KDM4C: variants seen among roughly 807,000 people sequenced by gnomAD.
KDM4C encodes the protein lysine-specific demethylase 4C.
Under a neutral mutation model 129.3 loss-of-function variants are expected in KDM4C, and 81 were observed. That is an observed-to-expected ratio of 0.63 (90% CI 0.52 to 0.75). The LOEUF (loss-of-function observed/expected upper bound fraction) is 0.75, where lower values mean the gene tolerates loss of function less well. KDM4C is among the 30% of genes least tolerant of loss of function. The pLI is 0.00. For missense variants in KDM4C, 1,457 were observed against 1,304.0 expected (o/e 1.12, Z -1.81); for synonymous variants, 573 against 456.1 (o/e 1.26, Z -3.26).
chr9:6,751,912 A>T (rs1818073987), intron 1 of KDM4C, among the ~76,000 whole-genome samples: 1 of 152,188 alleles, frequency 6.6e-6, no homozygotes, highest in Admixed American at 6.5e-5. Context: ...AAACTACAGA[A>T]TGTGAAAATA....
intron 1 of KDM4C, among the ~76,000 whole-genome samples, chr9:6,762,152 G>T (rs553502518): frequency 6.6e-6 from 1 of 152,034 alleles, no homozygotes; most frequent in East Asian, 1.9e-4. Context: ...GCAACGTGCA[G>T]GTTTGTTACA....
At chr9:6,783,885 A>G (rs952238261) in intron 1 of KDM4C, among the ~76,000 whole-genome samples, 4 of 152,146 alleles carry the variant, frequency 2.6e-5, no homozygotes, top group Admixed American at 6.6e-5. Flanking sequence ...GAACTGACAA[A>G]GAAACCCCGT....
chr9:7,026,063 G>C (rs1435232481), intron 15 of KDM4C, among the ~76,000 whole-genome samples: 1 of 152,074 alleles, frequency 6.6e-6, no homozygotes, highest in African/African-American at 2.4e-5. Flanking sequence ...AAAATTAGTT[G>C]GGTGTTGTGG....
chr9:6,942,063 AATTGGTAGAGCAGTT>A (rs1826047603), intron 8 of KDM4C, among the ~76,000 whole-genome samples: 1 of 152,182 alleles, frequency 6.6e-6, no homozygotes, highest in South Asian at 2.1e-4. Flanking sequence ...TTCCAATATA[AATTGGTAGAGCAGTT>A]ATTGGTAGAG....
At chr9:6,744,453 A>G (rs929551203) in intron 1 of KDM4C, among the ~76,000 whole-genome samples, 1 of 152,128 alleles carries the variant, frequency 6.6e-6, no homozygotes, top group Admixed American at 6.6e-5. Context: ...TGAACCTGGG[A>G]GGCGGAGGTT....
At chr9:6,907,013 G>C (rs145962369) in intron 8 of KDM4C, among the ~76,000 whole-genome samples, 52 of 152,216 alleles carry the variant, frequency 3.4e-4, no homozygotes, top group Admixed American at 1.5e-3. Flanking sequence ...TTTTAAACAA[G>C]GTCATTTATA....
chr9:6,746,859 AGCCGGGCGTGG>A (rs1817893399), intron 1 of KDM4C, among the ~76,000 whole-genome samples: 1 of 150,924 alleles, frequency 6.6e-6, no homozygotes, highest in Non-Finnish European at 1.5e-5. Flanking sequence ...ACAAAAAATT[AGCCGGGCGTGG>A]TGGCGGGCAC....
At chr9:6,762,955 C>A (rs553208066) in intron 1 of KDM4C, among the ~76,000 whole-genome samples, 6 of 151,860 alleles carry the variant, frequency 4.0e-5, no homozygotes, top group Admixed American at 6.6e-5. Context: ...CCACCACACC[C>A]GGCCAGGTCA....
chr9:6,798,048 A>T (rs1304284038), intron 2 of KDM4C, among the ~76,000 whole-genome samples: 1 of 152,186 alleles, frequency 6.6e-6, no homozygotes, highest in Non-Finnish European at 1.5e-5. Context: ...TTAGGATTTC[A>T]AATTATAGTT....
intron 19 of KDM4C, among the ~76,000 whole-genome samples, chr9:7,157,267 T>G (rs201214304): frequency 6.6e-6 from 1 of 152,052 alleles, no homozygotes; most frequent in African/African-American, 2.4e-5. Flanking sequence ...AGATGATAGG[T>G]TTTTCTAAAT....
At chr9:6,988,898 A>C (rs7037888) in intron 11 of KDM4C, among the ~76,000 whole-genome samples, 66,861 of 151,552 alleles carry the variant, frequency 0.44, 15,321 homozygotes, top group Middle Eastern at 0.53. Context: ...ATCACTTTCT[A>C]TTCCTTTGTC....
At chr9:6,883,705 G>T (rs926136182) in intron 6 of KDM4C, among the ~76,000 whole-genome samples, 1 of 152,150 alleles carries the variant, frequency 6.6e-6, no homozygotes, top group Non-Finnish European at 1.5e-5. Flanking sequence ...CTAGTAGGGA[G>T]GAATTATGGG....
At chr9:6,977,026 T>G (rs1280015616) in intron 8 of KDM4C, among the ~76,000 whole-genome samples, 5 of 152,164 alleles carry the variant, frequency 3.3e-5, no homozygotes, top group African/African-American at 1.2e-4. Flanking sequence ...TTTTGTATTT[T>G]TGGTAGAAAC....
chr9:6,852,288 C>A (rs1476466468), intron 5 of KDM4C, among the ~76,000 whole-genome samples: 1 of 152,094 alleles, frequency 6.6e-6, no homozygotes, highest in Non-Finnish European at 1.5e-5. Context: ...TGGAGGCAGG[C>A]GGTTTGGCAG....
chr9:6,768,330 G>C (rs1253881944), intron 1 of KDM4C, among the ~76,000 whole-genome samples: 1 of 149,474 alleles, frequency 6.7e-6, no homozygotes, highest in Non-Finnish European at 1.5e-5. Context: ...GGGTAGTGCT[G>C]AACAGGATTT....
intron 5 of KDM4C, among the ~76,000 whole-genome samples, chr9:6,862,619 A>G (rs1334976655): frequency 1.3e-5 from 2 of 152,172 alleles, no homozygotes; most frequent in African/African-American, 4.8e-5. Context: ...CCTGGCCAAC[A>G]TGGTGAAACC....
At chr9:6,865,897 C>G (rs376092646) in intron 5 of KDM4C, among the ~76,000 whole-genome samples, 2 of 151,852 alleles carry the variant, frequency 1.3e-5, no homozygotes, top group African/African-American at 4.8e-5. Flanking sequence ...ACTACAGGCG[C>G]CCGCCACCAC....
At chr9:6,734,067 T>C (rs1400266422) in intron 1 of KDM4C, among the ~76,000 whole-genome samples, 1 of 152,168 alleles carries the variant, frequency 6.6e-6, no homozygotes, top group Non-Finnish European at 1.5e-5. Context: ...GTTAACCGTC[T>C]GAGAATGCAG....
chr9:7,114,327 G>C (rs1297622133), intron 18 of KDM4C, among the ~76,000 whole-genome samples: 1 of 152,054 alleles, frequency 6.6e-6, no homozygotes, highest in Non-Finnish European at 1.5e-5. Flanking sequence ...GTCACCCTCA[G>C]GGACAAAAAC....
Sources: gnomAD v4.1 joint callset for allele counts (sites outside exome capture counted in the v4.1 genomes callset) on GRCh38, gnomAD v4.1.1 for gene constraint, MANE v1.5 for transcripts, NCBI Gene and HGNC (gene_info 2026-07-23, HGNC 2026-07-21) for gene names.